Variants in SNX5 observed in about 807,000 individuals in gnomAD.
SNX5 encodes the protein sorting nexin 5, also known as sorting nexin-5.
Under a neutral mutation model 53.9 loss-of-function variants are expected in SNX5, and 31 were observed. The observed-to-expected ratio is 0.58, with a 90% CI of 0.43 to 0.78. The LOEUF is 0.78. Ranked by LOEUF, SNX5 falls within the 30% of genes least tolerant of loss-of-function variation. The pLI, the probability that SNX5 is intolerant of heterozygous loss-of-function variation, is 0.00. For missense variants in SNX5, 471 were observed against 478.8 expected (o/e 0.98, Z 0.15); for synonymous variants, 168 against 171.1 (o/e 0.98, Z 0.14).
intron 11 of SNX5, among the ~76,000 whole-genome samples, chr20:17,945,778 TAGAC>T (rs1251917053): frequency 1.3e-5 from 2 of 152,200 alleles, no homozygotes; most frequent in African/African-American, 2.4e-5. Flanking sequence ...TAATCCTGAA[TAGAC>T]AGACAAATGA....
intron 1 of SNX5, among the ~76,000 whole-genome samples, chr20:17,960,081 A>G (rs746311851): frequency 2.0e-5 from 3 of 152,210 alleles, no homozygotes; most frequent in Non-Finnish European, 4.4e-5. Context: ...TTTACCATGC[A>G]AAGTTTTACC....
At chr20:17,951,291 G>T in intron 6 of SNX5, 1 of 531,084 alleles carries the variant, frequency 1.9e-6, no homozygotes, top group Non-Finnish European at 3.4e-6. Context: ...AGTGTGGAAA[G>T]GTTCAAGTTG....
chr20:17,960,076 C>G (rs1454799085), intron 1 of SNX5, among the ~76,000 whole-genome samples: 2 of 152,174 alleles, frequency 1.3e-5, no homozygotes, highest in Non-Finnish European at 2.9e-5. Flanking sequence ...GGACCTTTAC[C>G]ATGCAAAGTT....
In SNX5 at chr20:17,950,793, C is replaced by G. The variant is rs2039555945; in HGVS notation, c.610-397G>C. ...AATCCTGGTATCTGGTAGGCATTGG[C>G]CAAGGATGCCAATGCCAAATATCCC... On this transcript the variant is annotated intron_variant, in intron 6 of 12. Coordinates refer to ENST00000377759, the MANE Select transcript of SNX5 (RefSeq NM_014426.4). Among the ~76,000 whole-genome samples, 2 of 152,198 alleles carry G rather than the reference C, an allele frequency of 1.3e-5. 1 individual carries two copies. Among genetic ancestry groups the G allele is most frequent in the Non-Finnish European group, 2.9e-5 (2 of 68,012 alleles).
At chr20:17,954,280 T>C (rs1221887963) in intron 3 of SNX5, 163 bp from the exon 4 acceptor site, 42 of 1,131,734 alleles carry the variant, frequency 3.7e-5, no homozygotes, top group Non-Finnish European at 4.8e-5. Flanking sequence ...TTAACTCTTC[T>C]GGACATTTAA....
chr20:17,953,914 T>G (rs1015015295), intron 4 of SNX5, 82 bp downstream of exon 4: 4 of 1,237,184 alleles, frequency 3.2e-6, no homozygotes, highest in Non-Finnish European at 4.6e-6. Flanking sequence ...CAAAATTAAG[T>G]CAGGTTCTTC....
At position 17,957,056 on chromosome 20, in the gene SNX5, G is replaced by C. The variant is rs756929052; in HGVS notation, c.52-19C>G. Reference sequence around the variant, plus strand: ...ATCTCAGCTGAAATACATTTTTTGCGTATTAGTTTCAAACTCATTTGGCCC... The same window carrying C: ...ATCTCAGCTGAAATACATTTTTTGCCTATTAGTTTCAAACTCATTTGGCCC... On this transcript the variant is annotated intron_variant, in intron 1 of 12. Transcript: ENST00000377759. 7.0e-7 allele frequency: 1 copy of C among 1,421,548 alleles called. No individual in the cohort carries two copies. The highest frequency in any genetic ancestry group is 1.0e-6 in the Non-Finnish European group (1 of 1,004,126). 88.1% of individuals were successfully genotyped at this position (1,421,548 alleles called of 1,614,324 possible).
chr20:17,965,654 G>A (rs1255197497), intron 1 of SNX5, among the ~76,000 whole-genome samples: 3 of 137,552 alleles, frequency 2.2e-5, no homozygotes, highest in Non-Finnish European at 4.6e-5. Context: ...CTGGGTGACA[G>A]AGCCAGACCC....
In SNX5 at chr20:17,948,963, C is replaced by T. The variant is rs777316494; in HGVS notation, c.845G>A (p.Arg282Gln). The T allele has an allele frequency of 6.8e-6, 11 of 1,612,298 alleles. No homozygotes were observed. Among genetic ancestry groups the T allele is most frequent in the African/African-American group, 2.7e-5 (2 of 74,842 alleles). The stretch of plus-strand genomic sequence containing the variant: ...CTTCAAATCTTCATCTGATGAAACT[C>T]GACCCTCTACTTTCTATATAGAAAA... ...LFEKLRKVEG[R>Q]VSSDEDLKLT... The change falls in exon 10 of 13, where the codon CGA (arginine) becomes CAA (glutamine). Residue 282 changes from arginine to glutamine, a missense_variant. By Grantham distance (43) the Arg-to-Gln change is conservative. Transcript: ENST00000377759.
intron 1 of SNX5, chr20:17,962,712 G>T (rs565117374): frequency 1.5e-5 from 8 of 518,370 alleles, no homozygotes; most frequent in South Asian, 1.1e-4. Flanking sequence ...TGCAGCAAGT[G>T]ATCAGATTTT....
intron 1 of SNX5, among the ~76,000 whole-genome samples, chr20:17,965,537 G>C (rs1333826647): frequency 6.6e-6 from 1 of 152,058 alleles, no homozygotes; most frequent in Admixed American, 6.6e-5. Flanking sequence ...GGGCATGCTG[G>C]TGTGTGCCTG....
At chr20:17,967,086 C>T (rs963731396) in intron 1 of SNX5, among the ~76,000 whole-genome samples, 5 of 152,122 alleles carry the variant, frequency 3.3e-5, no homozygotes, top group Admixed American at 3.3e-4. Context: ...GCTGGAGGAT[C>T]AGGGTGGTGG....
In SNX5 at chr20:17,968,739, C is replaced by A. The variant is rs2035623709; in HGVS notation, c.-314G>T. ...ACGAGGAGGCCGCCAACCGCAGGGC[C>A]GCGACACGGACGGGAAGCAACGGAC... On this transcript the variant is annotated 5_prime_UTR_variant, in exon 1 of 13. Transcript: ENST00000377759. The A allele has an allele frequency of 2.5e-6, 1 of 404,480 alleles. No homozygotes were observed. The highest frequency in any genetic ancestry group is 4.9e-5 in the East Asian group (1 of 20,378). 25.1% of individuals were successfully genotyped at this position (404,480 alleles called of 1,614,324 possible).
rs183836100 is a variant in SNX5 at position 17,961,820 on chromosome 20, T to A, written c.52-4783A>T. ...GAGGGCCAATATGACAAATCATCGA[T>A]GATTCTTAGCATGGAGCCAAGAAGC... On this transcript the variant is annotated intron_variant, in intron 1 of 12. Transcript: ENST00000377759. 68 of 985,452 alleles carry A rather than the reference T, an allele frequency of 6.9e-5. 1 individual carries two copies. In the East Asian group the frequency reaches 4.5e-3, roughly 66 times the overall value. 61.0% of individuals were successfully genotyped at this position (985,452 alleles called of 1,614,324 possible). A position where few individuals can be genotyped will look rare whatever the true frequency, so the allele number is the denominator to read the frequency against.
chr20:17,942,912 A>AG (rs200521531), intron 12 of SNX5, 198 bp downstream of exon 12: 1 of 464,076 alleles, frequency 2.2e-6, no homozygotes, highest in Non-Finnish European at 3.8e-6. Context: ...AAAAAAAAAA[A>AG]GTTGCTAAAA....
At chr20:17,957,157 T>C (rs3790301) in intron 1 of SNX5, 120 bp from the exon 2 acceptor site, 380,694 of 683,610 alleles carry the variant, frequency 0.56, 107,808 homozygotes, top group African/African-American at 0.67. Flanking sequence ...TCAGTTGAGC[T>C]GGGCGCGGCG....
In SNX5 at chr20:17,956,965, TCTCA is replaced by T. The variant is rs1165317012; in HGVS notation, c.120_123del (p.Ser40ArgfsTer76). 4 of 1,605,710 alleles carry T rather than the reference TCTCA, an allele frequency of 2.5e-6. No homozygotes were observed. The African/African-American group carries it at 4.0e-5, about 16-fold the overall frequency. The stretch of plus-strand genomic sequence containing the variant: ...TGCACTGTAAATTTGACTTTGTCTC[TCTCA>T]CTGAGCGCATCAGGTATGTCAATCT... On this transcript the variant is annotated frameshift_variant, in exon 2 of 13. Coordinates refer to ENST00000377759, the MANE Select transcript of SNX5 (RefSeq NM_014426.4). LOFTEE classifies it high-confidence loss of function.
intron 11 of SNX5, among the ~76,000 whole-genome samples, chr20:17,946,593 CT>C (rs969187758): frequency 3.9e-5 from 6 of 152,118 alleles, no homozygotes; most frequent in Non-Finnish European, 8.8e-5. Flanking sequence ...AAAGGGAAGG[CT>C]TTTTTGTAGT....
intron 1 of SNX5, chr20:17,967,946 A>G (rs1048900712): frequency 2.0e-5 from 8 of 397,528 alleles, no homozygotes; most frequent in Non-Finnish European, 3.5e-5. Context: ...CCCCCAAAAA[A>G]GTCTTCTCAG....
Sources: allele counts gnomAD v4.1 joint callset (sites outside exome capture counted in the v4.1 genomes callset), GRCh38; gene constraint gnomAD v4.1.1; transcripts MANE v1.5; gene names NCBI Gene and HGNC (gene_info 2026-07-23, HGNC 2026-07-21).